Variants in TNS1 observed in about 807,000 individuals in gnomAD.
The protein encoded by TNS1 is tensin 1, also known as tensin-1.
TNS1 carries 62 observed loss-of-function variants against 168.6 expected under a neutral mutation model. The observed-to-expected ratio is 0.37, with a 90% CI of 0.30 to 0.45. TNS1 has a LOEUF of 0.45. Ranked by LOEUF, TNS1 falls within the 20% of genes least tolerant of loss-of-function variation. The pLI is 1.00. For missense variants in TNS1, 2,240 were observed against 2,339.4 expected (o/e 0.96, Z 0.88); for synonymous variants, 934 against 933.2 (o/e 1.00, Z -0.02).
At chr2:217,999,218 A>G (rs1032433553) in intron 1 of TNS1, among the ~76,000 whole-genome samples, 18 of 152,238 alleles carry the variant, frequency 1.2e-4, no homozygotes, top group African/African-American at 4.3e-4. Flanking sequence ...AGGATGCAGC[A>G]GATGGGGTTG....
chr2:217,945,043 C>T (rs1957068223), intron 3 of TNS1, among the ~76,000 whole-genome samples: 2 of 152,188 alleles, frequency 1.3e-5, no homozygotes, highest in Admixed American at 6.5e-5. Context: ...ATCGTGACCT[C>T]GGAGCACAGA....
At chr2:218,014,581 A>G (rs1202579117), upstream of TNS1, among the ~76,000 whole-genome samples, 2 of 152,190 alleles carry the variant, frequency 1.3e-5, no homozygotes, top group African/African-American at 4.8e-5. Flanking sequence ...CTCTGTGTCA[A>G]TGACTCCTGG....
At chr2:217,905,485 C>T (rs1452939613) in intron 6 of TNS1, 3 of 339,432 alleles carry the variant, frequency 8.8e-6, no homozygotes, top group South Asian at 4.4e-5. Context: ...CTCCTGCTCC[C>T]GCAGCACTCC....
chr2:218,016,636 G>A (rs930391664), intron 1 of TNS1, among the ~76,000 whole-genome samples: 1 of 152,186 alleles, frequency 6.6e-6, no homozygotes, highest in African/African-American at 2.4e-5. Context: ...TGATGGCCAG[G>A]GGGACCCAGG....
intron 2 of TNS1, among the ~76,000 whole-genome samples, chr2:217,981,352 C>G (rs1057323091): frequency 6.6e-6 from 1 of 152,232 alleles, no homozygotes; most frequent in Non-Finnish European, 1.5e-5. Context: ...GGGTAGGCAC[C>G]CTTGGCAGTG....
intron 1 of TNS1, among the ~76,000 whole-genome samples, chr2:217,991,336 T>C (rs772663228): frequency 3.9e-5 from 6 of 152,036 alleles, no homozygotes; most frequent in African/African-American, 9.7e-5. Flanking sequence ...CCTTGGCTTT[T>C]TTTCATTTAT....
intron 30 of TNS1, 179 bp downstream of exon 30, chr2:217,809,644 G>C: frequency 1.7e-6 from 1 of 585,592 alleles, no homozygotes; most frequent in Non-Finnish European, 3.0e-6. Flanking sequence ...TGGGTGCATG[G>C]ATGGATGGAT....
chr2:217,913,592 G>A (rs1188173590), intron 4 of TNS1, among the ~76,000 whole-genome samples: 3 of 151,920 alleles, frequency 2.0e-5, no homozygotes, highest in Non-Finnish European at 4.4e-5. Context: ...GTCCCTCCCT[G>A]CCAAGCCACC....
chr2:217,852,217 T>A (rs539884738), intron 18 of TNS1, among the ~76,000 whole-genome samples: 12 of 152,186 alleles, frequency 7.9e-5, no homozygotes, highest in South Asian at 6.2e-4. Flanking sequence ...TCTGATGCAC[T>A]CATAGCTCTG....
At chr2:217,952,391 C>T (rs957403158) in intron 3 of TNS1, among the ~76,000 whole-genome samples, 1 of 152,116 alleles carries the variant, frequency 6.6e-6, no homozygotes, top group African/African-American at 2.4e-5. Context: ...TACTCTTAAC[C>T]ACTATGTCAT....
At position 217,821,700 on chromosome 2, in the gene TNS1, C is replaced by T. The variant is rs199571112; in HGVS notation, c.3572+40G>A. ...ACCCATCCCGTCCCAGTCCCAGGCC[C>T]GGATTCCCATCCCCCACCCACTGCC... On this transcript the variant is annotated intron_variant, in intron 23 of 32. Coordinates refer to ENST00000682258, the MANE Select transcript of TNS1 (RefSeq NM_001387777.1). 6.8e-4 allele frequency: 962 copies of T among 1,408,026 alleles called. 2 individuals are homozygous for T. Among genetic ancestry groups the T allele is most frequent in the Non-Finnish European group, 6.6e-4 (709 of 1,079,588 alleles). The allele number at this position is 1,408,026 out of a possible 1,614,324, so 87.2% of individuals were successfully genotyped here.
intron 22 of TNS1, among the ~76,000 whole-genome samples, chr2:217,825,963 C>A (rs1221586078): frequency 1.3e-5 from 2 of 152,188 alleles, no homozygotes; most frequent in Non-Finnish European, 2.9e-5. Flanking sequence ...CAGCAGCATC[C>A]ATTCTGACCA....
chr2:217,879,823 A>G (rs1389389942), intron 18 of TNS1, among the ~76,000 whole-genome samples: 1 of 152,144 alleles, frequency 6.6e-6, no homozygotes, highest in African/African-American at 2.4e-5. Flanking sequence ...AGGCCTACCT[A>G]TCTCTAACCT....
intron 1 of TNS1, among the ~76,000 whole-genome samples, chr2:218,000,506 G>C (rs1958542700): frequency 6.6e-6 from 1 of 152,190 alleles, no homozygotes; most frequent in African/African-American, 2.4e-5. Context: ...GTGGGAAAGG[G>C]GCCAGCATTT....
Position 217,813,561 on chromosome 2 carries a change from C to T in TNS1, c.4861+124G>A. 2 of 1,408,094 alleles carry T rather than the reference C, an allele frequency of 1.4e-6. No individual in the cohort carries two copies. Among genetic ancestry groups the T allele is most frequent in the East Asian group, 2.3e-5 (1 of 43,238 alleles). The allele number at this position is 1,408,094 out of a possible 1,614,324, so 87.2% of individuals were successfully genotyped here. On this transcript the variant is annotated intron_variant, in intron 26 of 32. Coordinates refer to ENST00000682258, the MANE Select transcript of TNS1 (RefSeq NM_001387777.1). The surrounding 1 kb of genome is among the most constrained non-coding windows in gnomAD (Gnocchi z 4.0). The stretch of plus-strand genomic sequence containing the variant: ...CAACCATCACCAAGCCCAAGACACC[C>T]TCTTCCGAAGAGCCTGATGGGAGTT...
chr2:217,908,715 G>A (rs1953989136), intron 4 of TNS1, among the ~76,000 whole-genome samples: 2 of 152,160 alleles, frequency 1.3e-5, no homozygotes, highest in Admixed American at 6.5e-5. Flanking sequence ...AGGCGGCTGA[G>A]GCCAAAACTA....
chr2:217,917,027 A>G (rs1955085108), intron 4 of TNS1, among the ~76,000 whole-genome samples: 1 of 152,194 alleles, frequency 6.6e-6, no homozygotes, highest in Non-Finnish European at 1.5e-5. Context: ...TGTTCAAAGC[A>G]CTTGCCTCGC....
At chr2:217,831,133 G>A (rs1363383784) in intron 22 of TNS1, among the ~76,000 whole-genome samples, 3 of 152,124 alleles carry the variant, frequency 2.0e-5, no homozygotes, top group Admixed American at 6.5e-5. Flanking sequence ...GCCCATGTAC[G>A]TGTACCCGAG....
chr2:217,814,849 G>A, intron 25 of TNS1, 63 bp downstream of exon 25: 1 of 1,428,266 alleles, frequency 7.0e-7, no homozygotes, highest in South Asian at 1.2e-5. Context: ...TCCTTGCCCA[G>A]GGAAGACACA....
Sources: gnomAD v4.1 joint callset for allele counts (sites outside exome capture counted in the v4.1 genomes callset) on GRCh38, gnomAD v4.1.1 for gene constraint, Gnocchi (gnomAD v3.1) non-coding constraint, MANE v1.5 for transcripts, NCBI Gene and HGNC (gene_info 2026-07-23, HGNC 2026-07-21) for gene names.